Variants in UNC13C observed in about 807,000 individuals in gnomAD.
UNC13C encodes protein unc-13 homolog C.
In UNC13C, 174 loss-of-function variants were observed where a neutral mutation model predicts 245.4. That is an observed-to-expected ratio of 0.71 (90% CI 0.63 to 0.80). The LOEUF is 0.80. UNC13C is among the 30% of genes least tolerant of loss of function. The pLI is 0.00. For synonymous variants in UNC13C, 992 were observed against 895.1 expected (o/e 1.11, Z -1.93); for missense variants, 2,829 against 2,602.9 (o/e 1.09, Z -1.89).
chr15:53,859,600 A>T, the UNC13C span, among the ~76,000 whole-genome samples: 3 of 151,540 alleles, frequency 2.0e-5, no homozygotes, highest in African/African-American at 7.3e-5. Context: ...GGAGTCTTTG[A>T]TAAGAATGAT....
At position 54,330,087 on chromosome 15, in the gene UNC13C, G is replaced by A. The variant is rs543702861; in HGVS notation, c.4426-1956G>A. On this transcript the variant is annotated intron_variant, in intron 14 of 32. Transcript: ENST00000260323. ...CGTTCTTTCCATTTTCATCTAATGG[G>A]CATGAAATAAGCACTCTATCTTCTG... 3.3e-5 allele frequency among the ~76,000 whole-genome samples: 5 copies of A among 151,940 alleles called. No individual in the cohort carries two copies. The South Asian group carries it at 1.0e-3, about 32-fold the overall frequency.
chr15:53,887,444 T>C, the UNC13C span, among the ~76,000 whole-genome samples: 1 of 152,158 alleles, frequency 6.6e-6, no homozygotes, highest in Non-Finnish European at 1.5e-5. Flanking sequence ...TTATTAACAT[T>C]TTTTACTGCT....
At chr15:54,253,490 T>G (rs1247135550) in intron 8 of UNC13C, among the ~76,000 whole-genome samples, 1 of 152,244 alleles carries the variant, frequency 6.6e-6, no homozygotes. Flanking sequence ...AAAAGAGACC[T>G]GATTTATACT....
In UNC13C at chr15:54,576,583, C is replaced by T. The variant is rs543636333; in HGVS notation, c.6106+8636C>T. ...TTTAAGTAATAAACAGAGGAACTGA[C>T]GTTGTAGAAATCCAAGCTAAATGTA... is the stretch of plus-strand genomic sequence containing the variant. On this transcript the variant is annotated intron_variant, in intron 30 of 32. Coordinates refer to ENST00000260323, the MANE Select transcript of UNC13C (RefSeq NM_001080534.3). Among the ~76,000 whole-genome samples the T allele has an allele frequency of 5.3e-5, 8 of 152,328 alleles. No homozygotes were observed. The South Asian group carries it at 1.0e-3, about 20-fold the overall frequency.
intron 30 of UNC13C, among the ~76,000 whole-genome samples, chr15:54,598,341 C>A (rs1182935683): frequency 6.6e-6 from 1 of 152,212 alleles, no homozygotes. Flanking sequence ...GCAATCTGCC[C>A]ACCTCGGCCT....
intron 30 of UNC13C, among the ~76,000 whole-genome samples, chr15:54,589,645 C>A (rs1191046568): frequency 6.6e-6 from 1 of 150,864 alleles, no homozygotes; most frequent in Non-Finnish European, 1.5e-5. Context: ...TGTCTTTAGC[C>A]CACTTTTTCA....
intron 16 of UNC13C, among the ~76,000 whole-genome samples, chr15:54,334,255 T>C (rs190327129): frequency 1.3e-5 from 2 of 152,270 alleles, no homozygotes; most frequent in East Asian, 1.9e-4. Context: ...TTTACCCCAA[T>C]TGTGGCAACT....
rs1050947901 is a variant in UNC13C at position 54,419,331 on chromosome 15, C to T, written c.4933+4264C>T. On this transcript the variant is annotated intron_variant, in intron 19 of 32. Transcript: ENST00000260323. ...GGAAAGAACAGGACTAAACTAACTT[C>T]TCAGGCTATGAATGTGGTCCCACTT... Among the ~76,000 whole-genome samples the T allele has an allele frequency of 2.0e-5, 3 of 152,162 alleles. No homozygotes were observed. In the South Asian group the frequency reaches 6.2e-4, roughly 31 times the overall value.
Position 54,627,102 on chromosome 15 carries a change from G to C in UNC13C, c.6634G>C (p.Glu2212Gln), listed in dbSNP as rs1041881560. ...TAAATCTGAAACAAGATCTACTGAA[G>C]AGAGTGCTTGAAACAAACACTGCAA... ...RLKSETRSTE[E>Q]SA Residue 2212 changes from glutamate to glutamine, a missense_variant, in exon 33 of 33, where the codon GAG becomes CAG. Coordinates refer to ENST00000260323, the MANE Select transcript of UNC13C (RefSeq NM_001080534.3). 21 of 1,609,000 alleles carry C rather than the reference G, an allele frequency of 1.3e-5. No homozygotes were observed. The highest frequency in any genetic ancestry group is 1.3e-5 in the African/African-American group (1 of 74,736).
chr15:54,597,045 A>G (rs1899126078), intron 30 of UNC13C, among the ~76,000 whole-genome samples: 2 of 152,206 alleles, frequency 1.3e-5, no homozygotes, highest in Admixed American at 6.5e-5. Flanking sequence ...TTTTGGCGCC[A>G]GAGACTGGTT....
At chr15:53,863,275 G>T in the UNC13C span, among the ~76,000 whole-genome samples, 1 of 152,126 alleles carries the variant, frequency 6.6e-6, no homozygotes, top group Admixed American at 6.6e-5. Context: ...CTACCCTCCA[G>T]GCTGTCTGGG....
rs138600199 is a variant in UNC13C, at chr15:54,039,387, C to T, written c.2983+23501C>T. ...TTCATATTGTTCCTGACTGGCAGGG[C>T]GACAATGAAACAGAATGACATGCCA... On this transcript the variant is annotated intron_variant, in intron 2 of 32. Transcript: ENST00000260323. 2.0e-3 allele frequency among the ~76,000 whole-genome samples: 308 copies of T among 152,222 alleles called. 4 individuals carry two copies. Among genetic ancestry groups the T allele is most frequent in the African/African-American group, 7.0e-3 (290 of 41,540 alleles).
chr15:53,879,247 G>C, the UNC13C span, among the ~76,000 whole-genome samples: 1 of 151,894 alleles, frequency 6.6e-6, no homozygotes, highest in Admixed American at 6.6e-5. Context: ...TTGCAGCTTT[G>C]ACCCCCAGGG....
At chr15:54,001,362 G>C (rs1894878835) in intron 1 of UNC13C, among the ~76,000 whole-genome samples, 1 of 151,402 alleles carries the variant, frequency 6.6e-6, no homozygotes, top group South Asian at 2.1e-4. Flanking sequence ...GAGTGCATTA[G>C]CTCCTGTCTG....
intron 20 of UNC13C, 63 bp from the exon 21 acceptor site, chr15:54,500,016 A>T: frequency 8.3e-7 from 1 of 1,198,552 alleles, no homozygotes; most frequent in Non-Finnish European, 1.2e-6. Context: ...AAAGAGCAGC[A>T]TTCCTGTTAA....
intron 1 of UNC13C, among the ~76,000 whole-genome samples, chr15:54,003,661 A>G (rs1301836042): frequency 6.6e-6 from 1 of 152,244 alleles, no homozygotes; most frequent in Non-Finnish European, 1.5e-5. Context: ...ATTTATCCTT[A>G]GTATTACAAA....
intron 7 of UNC13C, among the ~76,000 whole-genome samples, chr15:54,239,473 CAG>C (rs1422674096): frequency 2.0e-5 from 3 of 152,172 alleles, no homozygotes; most frequent in Admixed American, 1.3e-4. Context: ...TTTTTGCAGA[CAG>C]AGTCTGGCTC....
In UNC13C at chr15:54,627,045, AGTGATGATGT is replaced by A; in HGVS notation, c.6579_6588del (p.Ser2193ArgfsTer6). 6.2e-7 allele frequency: 1 copy of A among 1,613,298 alleles called. No homozygotes were observed. ...CCTTAGAATACTCTCTCAGAGGACC[AGTGATGATGT>A]GGCTAAAGAATTTGTAAGACTTAAA... On this transcript the variant is annotated frameshift_variant, in exon 33 of 33. Coordinates refer to ENST00000260323, the MANE Select transcript of UNC13C (RefSeq NM_001080534.3). LOFTEE classifies it high-confidence loss of function.
chr15:54,087,410 A>G lies in UNC13C; in HGVS notation c.2984-55608A>G, dbSNP rs1049526675. Among the ~76,000 whole-genome samples, 102 of 152,132 alleles carry G rather than the reference A, an allele frequency of 6.7e-4. 3 individuals carry two copies. The highest frequency in any genetic ancestry group is 1.5e-5 in the Non-Finnish European group (1 of 68,010). On this transcript the variant is annotated intron_variant, in intron 2 of 32. Transcript: ENST00000260323. ...CTCTGCATTTTTGCAAAACCTAACT[A>G]CTGAGAAAGTTCTTTTCTGCATGAG...
Sources: gnomAD v4.1 joint callset for allele counts (sites outside exome capture counted in the v4.1 genomes callset) on GRCh38, gnomAD v4.1.1 for gene constraint, MANE v1.5 for transcripts, NCBI Gene and HGNC (gene_info 2026-07-23, HGNC 2026-07-21) for gene names.